Variants in MYO18B observed in about 807,000 individuals in gnomAD.
MYO18B encodes the protein unconventional myosin-XVIIIb.
A neutral mutation model predicts 273.0 loss-of-function variants in MYO18B; 204 were observed. The ratio of observed to expected loss-of-function variants is 0.75; its 90% confidence interval spans 0.67 to 0.84. The LOEUF (loss-of-function observed/expected upper bound fraction) is 0.84. MYO18B is among the 40% of genes least tolerant of loss of function. The probability of loss-of-function intolerance (pLI) is 0.00; values close to 1 mark genes in which losing one functional copy is unlikely to be tolerated. For synonymous variants in MYO18B, 1,330 were observed against 1,305.7 expected (o/e 1.02, Z -0.40); for missense variants, 3,212 against 3,287.6 (o/e 0.98, Z 0.56).
chr22:26,033,362 A>AAT (rs1272763223), downstream of MYO18B, among the ~76,000 whole-genome samples: 1 of 152,228 alleles, frequency 6.6e-6, no homozygotes, highest in African/African-American at 2.4e-5. Context: ...CAAGAAAATG[A>AAT]ATATACTGTC....
intron 39 of MYO18B, among the ~76,000 whole-genome samples, chr22:25,958,052 C>T (rs889601610): frequency 1.3e-5 from 2 of 151,720 alleles, no homozygotes; most frequent in African/African-American, 4.8e-5. Flanking sequence ...GTAGCTGAGA[C>T]TACAGATGCG....
At chr22:25,919,137 C>T (rs528875792) in intron 33 of MYO18B, among the ~76,000 whole-genome samples, 1 of 152,258 alleles carries the variant, frequency 6.6e-6, no homozygotes, top group East Asian at 1.9e-4. Context: ...TCATTAAGTG[C>T]TTTCTACCTA....
In MYO18B at chr22:25,780,046, C is replaced by A; in HGVS notation, c.2069-10C>A. The A allele has an allele frequency of 6.3e-7, 1 of 1,579,834 alleles. No individual in the cohort carries two copies. Among genetic ancestry groups the A allele is most frequent in the South Asian group, 1.2e-5 (1 of 86,522 alleles). On this transcript the variant is annotated splice_polypyrimidine_tract_variant and intron_variant, in intron 8 of 43. Transcript: ENST00000335473. ...ATCAGTGACATGTGGCCCCATGCTG[C>A]CCCCAACAGTGGAGAAGATCCGAGC...
chr22:25,833,647 C>G (rs2089794572), intron 16 of MYO18B, among the ~76,000 whole-genome samples: 1 of 152,084 alleles, frequency 6.6e-6, no homozygotes, highest in Non-Finnish European at 1.5e-5. Flanking sequence ...TGCTTGGGTC[C>G]AGTCTTGGTG....
At chr22:25,762,109 AG>A (rs2086342787) in intron 2 of MYO18B, among the ~76,000 whole-genome samples, 3 of 150,924 alleles carry the variant, frequency 2.0e-5, no homozygotes, top group Admixed American at 6.6e-5. Context: ...GTCTCAAAAA[AG>A]AAAAAAAAAA....
At chr22:25,849,106 C>T (rs2090344854) in intron 20 of MYO18B, among the ~76,000 whole-genome samples, 1 of 152,270 alleles carries the variant, frequency 6.6e-6, no homozygotes, top group Non-Finnish European at 1.5e-5. Context: ...GTCCCCCACA[C>T]TTAATCGATT....
rs776359824 is a variant in MYO18B at position 25,826,404 on chromosome 22, C to T, written c.2696-5C>T. On this transcript the variant is annotated splice_region_variant and splice_polypyrimidine_tract_variant and intron_variant, in intron 13 of 43. Coordinates refer to ENST00000335473, the MANE Select transcript of MYO18B (RefSeq NM_032608.7). ...CAAGAATGCTGATTCTGTCCTCTTT[C>T]CCAGGGCTCAAGATGACAGGAGTGG... The T allele has an allele frequency of 7.5e-6, 12 of 1,608,524 alleles. No homozygotes were observed. The East Asian group carries it at 2.2e-4, about 30-fold the overall frequency.
intron 12 of MYO18B, among the ~76,000 whole-genome samples, chr22:25,807,801 T>TGG (rs2088551916): frequency 6.6e-6 from 1 of 151,992 alleles, no homozygotes; most frequent in African/African-American, 2.4e-5. Flanking sequence ...ACGTATAGGA[T>TGG]GGGAGCTATT....
At chr22:25,851,652 C>A in intron 21 of MYO18B, 73 bp downstream of exon 21, 1 of 1,145,686 alleles carries the variant, frequency 8.7e-7, no homozygotes, top group Non-Finnish European at 1.3e-6. Flanking sequence ...TGTTCCAAGG[C>A]TGGGCACGGT....
At chr22:26,054,496 A>G in the MYO18B span, among the ~76,000 whole-genome samples, 2 of 152,232 alleles carry the variant, frequency 1.3e-5, no homozygotes, top group African/African-American at 4.8e-5. Context: ...GTGAACGAGA[A>G]CAAGCTGTGT....
intron 12 of MYO18B, among the ~76,000 whole-genome samples, chr22:25,819,405 A>C (rs1003878250): frequency 6.6e-6 from 1 of 152,212 alleles, no homozygotes; most frequent in African/African-American, 2.4e-5. Flanking sequence ...AGAGGAGGGG[A>C]CAGGACCTCA....
the MYO18B span, among the ~76,000 whole-genome samples, chr22:26,049,435 G>C: frequency 1.3e-5 from 2 of 152,218 alleles, no homozygotes; most frequent in Non-Finnish European, 2.9e-5. Context: ...CAGAGTCACA[G>C]GTCTTATTTG....
intron 40 of MYO18B, among the ~76,000 whole-genome samples, chr22:25,994,714 TATTA>T (rs983156316): frequency 1.3e-5 from 2 of 152,204 alleles, no homozygotes; most frequent in Non-Finnish European, 2.9e-5. Context: ...CCTCCTGTTT[TATTA>T]ATTAGTGTCA....
At chr22:25,801,744 A>T (rs567730943) in intron 12 of MYO18B, among the ~76,000 whole-genome samples, 3 of 152,216 alleles carry the variant, frequency 2.0e-5, no homozygotes, top group South Asian at 2.1e-4. Context: ...AGACCCGATG[A>T]TGTCACCACC....
intron 12 of MYO18B, among the ~76,000 whole-genome samples, chr22:25,820,500 A>G (rs2089235221): frequency 6.6e-6 from 1 of 152,106 alleles, no homozygotes; most frequent in Non-Finnish European, 1.5e-5. Flanking sequence ...AAGGAAACAC[A>G]TTTATAGGAA....
At chr22:25,828,463 C>G (rs1291229002) in intron 14 of MYO18B, among the ~76,000 whole-genome samples, 1 of 151,646 alleles carries the variant, frequency 6.6e-6, no homozygotes, top group South Asian at 2.1e-4. Flanking sequence ...AAAGGAGGGC[C>G]TAGGCTTCAT....
At chr22:25,974,612 C>T (rs66495114) in intron 39 of MYO18B, among the ~76,000 whole-genome samples, 16,576 of 152,100 alleles carry the variant, frequency 0.11, 974 homozygotes, top group Middle Eastern at 0.2. Context: ...TGAAAGAAGC[C>T]GCAGATAATG....
chr22:25,996,846 A>T (rs1311886450), intron 40 of MYO18B, among the ~76,000 whole-genome samples: 1 of 152,118 alleles, frequency 6.6e-6, no homozygotes, highest in East Asian at 1.9e-4. Context: ...TAGATGAGGG[A>T]GCAGCAGCCC....
intron 42 of MYO18B, among the ~76,000 whole-genome samples, chr22:26,014,809 A>G (rs565051170): frequency 6.6e-6 from 1 of 152,194 alleles, no homozygotes; most frequent in East Asian, 1.9e-4. Flanking sequence ...TCTAATGATC[A>G]GTGATGTTGA....
Sources: gnomAD v4.1 joint callset for allele counts (sites outside exome capture counted in the v4.1 genomes callset) on GRCh38, gnomAD v4.1.1 for gene constraint, MANE v1.5 for transcripts, NCBI Gene and HGNC (gene_info 2026-07-23, HGNC 2026-07-21) for gene names.